The following NDUFAF6 variants were observed in gnomAD, a reference collection of about 807,000 sequenced individuals.
NDUFAF6 encodes NADH:ubiquinone oxidoreductase complex assembly factor 6.
In NDUFAF6, 45 loss-of-function variants were observed where a neutral mutation model predicts 40.8. That is an observed-to-expected ratio of 1.10 (90% confidence interval 0.87 to 1.42). The LOEUF is 1.42. Among genes scored for constraint, NDUFAF6 ranks in the 40% most tolerant of loss-of-function variants. The probability of loss-of-function intolerance (pLI) is 0.00; values close to 1 mark genes in which losing one functional copy is unlikely to be tolerated. For synonymous variants in NDUFAF6, 185 were observed against 155.9 expected (o/e 1.19, Z -1.39); for missense variants, 435 against 418.5 (o/e 1.04, Z -0.34).
At chr8:94,930,032 C>T (rs1410904854) in intron 1 of NDUFAF6, 6 of 157,226 alleles carry the variant, frequency 3.8e-5, no homozygotes, top group Non-Finnish European at 8.5e-5. Flanking sequence ...ATGTATTCAT[C>T]ATATACAGAG....
chr8:94,928,446 G>A (rs571107869), intron 1 of NDUFAF6: 233 of 152,466 alleles, frequency 1.5e-3, no homozygotes, highest in Middle Eastern at 3.4e-3. Context: ...AACAAACATC[G>A]TATAAAACAT....
chr8:94,927,504 C>T (rs1819997356), intron 1 of NDUFAF6: 1 of 152,102 alleles, frequency 6.6e-6, no homozygotes, highest in South Asian at 2.1e-4. Context: ...TTCTTAAAAG[C>T]TCCCTGCGAT....
chr8:94,995,791 T>C (rs577051415), intron 2 of NDUFAF6, among the ~76,000 whole-genome samples: 1 of 152,262 alleles, frequency 6.6e-6, no homozygotes, highest in East Asian at 1.9e-4. Context: ...TTACTCCCTT[T>C]TTTTGAGACG....
At chr8:95,052,461 T>C (rs1395340471) in intron 8 of NDUFAF6, among the ~76,000 whole-genome samples, 2 of 152,196 alleles carry the variant, frequency 1.3e-5, no homozygotes, top group African/African-American at 2.4e-5. Context: ...CCAGATTGCA[T>C]TGGCTTGAAT....
At chr8:95,080,182 C>T (rs183442042), downstream of NDUFAF6, among the ~76,000 whole-genome samples, 125 of 88,996 alleles carry the variant, frequency 1.4e-3, 1 homozygote, top group African/African-American at 4.4e-3. Context: ...ATTTTTGTAG[C>T]GTATTTTTTG....
intron 2 of NDUFAF6, chr8:94,950,422 T>C (rs548890531): frequency 6.6e-6 from 1 of 152,282 alleles, no homozygotes; most frequent in Admixed American, 6.5e-5. Context: ...ATGTAGTTCT[T>C]TGACCTGGGG....
intron 8 of NDUFAF6, among the ~76,000 whole-genome samples, chr8:95,055,588 A>C (rs1832022152): frequency 6.6e-6 from 1 of 152,218 alleles, no homozygotes; most frequent in Non-Finnish European, 1.5e-5. Context: ...TACAGATAGC[A>C]AGTTGATCAC....
chr8:94,991,508 A>G (rs2131617995), intron 2 of NDUFAF6, among the ~76,000 whole-genome samples: 1 of 152,296 alleles, frequency 6.6e-6, no homozygotes, highest in South Asian at 2.1e-4. Flanking sequence ...GATAATAATA[A>G]TAGCCTCAGA....
At chr8:94,965,152 T>C (rs915486178) in intron 1 of NDUFAF6, among the ~76,000 whole-genome samples, 3 of 152,152 alleles carry the variant, frequency 2.0e-5, no homozygotes, top group Admixed American at 2.0e-4. Context: ...CAGATCCTTT[T>C]AGAATGGGGA....
At chr8:95,044,852 CTAA>C (rs1386044850) in intron 4 of NDUFAF6, among the ~76,000 whole-genome samples, 2 of 151,676 alleles carry the variant, frequency 1.3e-5, no homozygotes, top group East Asian at 3.9e-4. Context: ...ATATTTTGCC[CTAA>C]TAATAGTCTT....
chr8:95,060,563 A>G (rs935084398), downstream of NDUFAF6, among the ~76,000 whole-genome samples: 2 of 152,262 alleles, frequency 1.3e-5, no homozygotes, highest in Non-Finnish European at 2.9e-5. Flanking sequence ...AAACTCGAAC[A>G]GGTGGTGTAC....
chr8:94,919,984 A>G (rs1409096183), intron 1 of NDUFAF6, among the ~76,000 whole-genome samples: 1 of 152,098 alleles, frequency 6.6e-6, no homozygotes, highest in Non-Finnish European at 1.5e-5. Context: ...TTTAACATAG[A>G]ATTTCCTATA....
chr8:95,061,676 A>G (rs1439490702), downstream of NDUFAF6, among the ~76,000 whole-genome samples: 1 of 152,240 alleles, frequency 6.6e-6, no homozygotes, highest in Non-Finnish European at 1.5e-5. Context: ...TTATGGAACA[A>G]TAAATAGATA....
chr8:94,955,512 A>C (rs1173258649), upstream of NDUFAF6, among the ~76,000 whole-genome samples: 1 of 152,246 alleles, frequency 6.6e-6, no homozygotes, highest in Non-Finnish European at 1.5e-5. Context: ...AGTTTTTAAC[A>C]CATGAACTTT....
chr8:94,909,286 T>A (rs186032680), intron 1 of NDUFAF6, among the ~76,000 whole-genome samples: 8 of 145,924 alleles, frequency 5.5e-5, no homozygotes, highest in Middle Eastern at 3.5e-3. Flanking sequence ...GAGGCGGAGA[T>A]TGCAGTGAGC....
chr8:94,969,859 A>G (rs1824310967), intron 1 of NDUFAF6, among the ~76,000 whole-genome samples: 15 of 152,220 alleles, frequency 9.9e-5, no homozygotes, highest in Admixed American at 9.2e-4. Flanking sequence ...TTACCAAGAA[A>G]TCGACAAAGG....
chr8:94,969,687 C>CT (rs1331294049), intron 1 of NDUFAF6, among the ~76,000 whole-genome samples: 1 of 152,022 alleles, frequency 6.6e-6, no homozygotes, highest in East Asian at 1.9e-4. Context: ...AGGGAAAACA[C>CT]TAAGTTATGC....
intron 1 of NDUFAF6, among the ~76,000 whole-genome samples, chr8:94,914,803 G>C (rs1232840086): frequency 6.6e-6 from 1 of 151,420 alleles, no homozygotes; most frequent in African/African-American, 2.4e-5. Flanking sequence ...TGTAATCCCA[G>C]CTACCTGGGA....
At chr8:94,980,520 T>A (rs1308061788) in intron 1 of NDUFAF6, among the ~76,000 whole-genome samples, 24 of 138,546 alleles carry the variant, frequency 1.7e-4, no homozygotes, top group African/African-American at 6.2e-4. Flanking sequence ...CTCGGCTCAC[T>A]GCAACCTCCA....
Sources: gnomAD v4.1 joint callset for allele counts (sites outside exome capture counted in the v4.1 genomes callset) on GRCh38, gnomAD v4.1.1 for gene constraint, MANE v1.5 for transcripts, NCBI Gene and HGNC (gene_info 2026-07-23, HGNC 2026-07-21) for gene names.